BMERB1: variants seen among roughly 807,000 people sequenced by gnomAD.
BMERB1 encodes the protein bMERB domain-containing protein 1.
A neutral mutation model predicts 23.6 loss-of-function variants in BMERB1; 12 were observed. The ratio of observed to expected loss-of-function variants is 0.51; its 90% CI spans 0.33 to 0.82. The LOEUF is 0.82. BMERB1 is among the 40% of genes least tolerant of loss of function. BMERB1 has a pLI of 0.03. For synonymous variants in BMERB1, 122 were observed against 96.6 expected, an observed-to-expected ratio of 1.26 and a Z score of -1.54; for missense variants, 247 against 255.4, an observed-to-expected ratio of 0.97 and a Z score of 0.22.
intron 1 of BMERB1, among the ~76,000 whole-genome samples, chr16:15,479,973 TCA>T (rs1491017916): frequency 2.7e-5 from 4 of 148,248 alleles, no homozygotes; most frequent in Non-Finnish European, 5.9e-5. Flanking sequence ...CTAAAATTTC[TCA>T]GTTTCAATTT....
At chr16:15,571,477 C>T (rs899287084) in intron 3 of BMERB1, among the ~76,000 whole-genome samples, 59 of 152,084 alleles carry the variant, frequency 3.9e-4, no homozygotes, top group African/African-American at 1.3e-3. Flanking sequence ...CTCAGTCTCC[C>T]GAGTAGCTGG....
At chr16:15,539,868 A>C (rs1224155364) in intron 2 of BMERB1, among the ~76,000 whole-genome samples, 2 of 151,772 alleles carry the variant, frequency 1.3e-5, no homozygotes, top group African/African-American at 2.4e-5. Context: ...AAAGAAAAAG[A>C]ATTTATTTTC....
intron 1 of BMERB1, among the ~76,000 whole-genome samples, chr16:15,473,634 T>A (rs947154114): frequency 1.3e-5 from 2 of 152,040 alleles, no homozygotes; most frequent in Non-Finnish European, 2.9e-5. Flanking sequence ...AACAACAAAT[T>A]CTCTTAGTGT....
chr16:15,446,131 C>T (rs1296264218), intron 1 of BMERB1, among the ~76,000 whole-genome samples: 2 of 152,160 alleles, frequency 1.3e-5, no homozygotes, highest in African/African-American at 4.8e-5. Flanking sequence ...TAGTGGCCCA[C>T]GCTTGTGATC....
At position 15,586,708 on chromosome 16, in the gene BMERB1, T is replaced by G. The variant is rs1258043536; in HGVS notation, c.503-9T>G. The stretch of plus-strand genomic sequence containing the variant: ...CTCCCCCTCTCCCTGTGCCCACATC[T>G]TGCTGCAGGCTCCCGGGCAGAGAAG... On this transcript the variant is annotated splice_polypyrimidine_tract_variant and intron_variant, in intron 5 of 5. Transcript: ENST00000300006. 1 of 1,600,850 alleles carries G rather than the reference T, an allele frequency of 6.2e-7. No individual in the cohort carries two copies. Among genetic ancestry groups the G allele is most frequent in the Non-Finnish European group, 8.5e-7 (1 of 1,173,844 alleles).
At chr16:15,448,731 G>A (rs1433364543) in intron 1 of BMERB1, among the ~76,000 whole-genome samples, 1 of 152,200 alleles carries the variant, frequency 6.6e-6, no homozygotes, top group Non-Finnish European at 1.5e-5. Flanking sequence ...GGCAGAGGTT[G>A]CAGTGAGCTG....
At chr16:15,480,606 CTTTTT>C (rs1159247360) in intron 1 of BMERB1, among the ~76,000 whole-genome samples, 1 of 58,962 alleles carries the variant, frequency 1.7e-5, no homozygotes, top group African/African-American at 6.6e-5. Flanking sequence ...ATTCCACTGT[CTTTTT>C]TTTTTTTTTT....
chr16:15,487,700 A>G (rs563177091), intron 1 of BMERB1, among the ~76,000 whole-genome samples: 12 of 152,334 alleles, frequency 7.9e-5, no homozygotes, highest in African/African-American at 2.6e-4. Flanking sequence ...TCTAAATTAT[A>G]TGCTAAACAA....
chr16:15,454,022 C>G (rs1451582849), intron 1 of BMERB1, among the ~76,000 whole-genome samples: 1 of 152,048 alleles, frequency 6.6e-6, no homozygotes, highest in Non-Finnish European at 1.5e-5. Context: ...CAAGGAGAGA[C>G]AAGTTGTACT....
chr16:15,572,998 C>T (rs948586056), intron 3 of BMERB1, among the ~76,000 whole-genome samples: 1 of 152,156 alleles, frequency 6.6e-6, no homozygotes, highest in African/African-American at 2.4e-5. Flanking sequence ...CCTCCCCAGC[C>T]ACGTGGAACT....
intron 1 of BMERB1, among the ~76,000 whole-genome samples, chr16:15,511,350 A>G (rs1010597627): frequency 6.6e-6 from 1 of 151,972 alleles, no homozygotes; most frequent in Non-Finnish European, 1.5e-5. Context: ...AGGCTCGGCC[A>G]GGTGGCCAGA....
intron 1 of BMERB1, among the ~76,000 whole-genome samples, chr16:15,465,784 C>T (rs2051175786): frequency 6.6e-6 from 1 of 152,212 alleles, no homozygotes; most frequent in Non-Finnish European, 1.5e-5. Context: ...TTTATCTTTT[C>T]CACATTTGCT....
At chr16:15,455,085 C>G (rs1489158692) in intron 1 of BMERB1, among the ~76,000 whole-genome samples, 3 of 152,014 alleles carry the variant, frequency 2.0e-5, no homozygotes, top group Non-Finnish European at 4.4e-5. Flanking sequence ...CCTGTAATCC[C>G]AGCACTTTAG....
chr16:15,582,908 C>G (rs969493490), intron 4 of BMERB1, among the ~76,000 whole-genome samples: 16 of 152,136 alleles, frequency 1.1e-4, no homozygotes, highest in African/African-American at 3.6e-4. Context: ...CTGTAATGTC[C>G]CTGCCTCTGC....
intron 3 of BMERB1, among the ~76,000 whole-genome samples, chr16:15,579,264 G>A (rs1035821390): frequency 2.9e-4 from 44 of 152,276 alleles, no homozygotes; most frequent in African/African-American, 9.4e-4. Context: ...GTGTTGGTGC[G>A]TGCTTGGAGA....
intron 2 of BMERB1, among the ~76,000 whole-genome samples, chr16:15,519,914 G>C (rs1453992380): frequency 1.3e-5 from 2 of 152,080 alleles, no homozygotes; most frequent in Non-Finnish European, 2.9e-5. Flanking sequence ...GAGAACTCGG[G>C]AGATGTGGGA....
intron 1 of BMERB1, among the ~76,000 whole-genome samples, chr16:15,504,095 G>A (rs1378265506): frequency 6.6e-6 from 1 of 152,132 alleles, no homozygotes; most frequent in Non-Finnish European, 1.5e-5. Flanking sequence ...CCCCAATGTT[G>A]CAGATGAAGA....
intron 1 of BMERB1, among the ~76,000 whole-genome samples, chr16:15,480,947 T>C (rs984028946): frequency 2.0e-5 from 3 of 152,138 alleles, no homozygotes; most frequent in African/African-American, 7.2e-5. Flanking sequence ...ATTATACAGA[T>C]ATTTGCAGGA....
intron 1 of BMERB1, among the ~76,000 whole-genome samples, chr16:15,501,323 C>T (rs770720167): frequency 1.7e-4 from 22 of 130,142 alleles, no homozygotes; most frequent in Non-Finnish European, 2.7e-4. Flanking sequence ...AGATGGAGTC[C>T]GTTCTGTCAC....
Sources: allele counts gnomAD v4.1 joint callset (sites outside exome capture counted in the v4.1 genomes callset), GRCh38; gene constraint gnomAD v4.1.1; transcripts MANE v1.5; gene names NCBI Gene and HGNC (gene_info 2026-07-23, HGNC 2026-07-21).